The following SH2D4B variants were observed in gnomAD, a reference collection of about 807,000 sequenced individuals.
SH2D4B encodes the protein SH2 domain containing 4B, also known as SH2 domain-containing protein 4B.
Under a neutral mutation model 61.5 loss-of-function variants are expected in SH2D4B, and 45 were observed. That is an observed-to-expected ratio of 0.73 (90% CI 0.58 to 0.94). The LOEUF (loss-of-function observed/expected upper bound fraction) is 0.94, where lower values mean the gene tolerates loss of function less well. SH2D4B is among the 40% of genes least tolerant of loss of function. SH2D4B has a pLI of 0.00. For missense variants in SH2D4B, 572 were observed against 574.2 expected (o/e 1.00, Z 0.04); for synonymous variants, 224 against 220.4 (o/e 1.02, Z -0.14).
At position 80,555,829 on chromosome 10, in the gene SH2D4B, TGTGGGTTTAAGAACAG is replaced by T. The variant is rs1305381504; in HGVS notation, c.185-14307_185-14292del. 9.9e-5 allele frequency among the ~76,000 whole-genome samples: 15 copies of T among 152,136 alleles called. No individual in the cohort carries two copies. The East Asian group carries it at 2.1e-3, about 22-fold the overall frequency. On this transcript the variant is annotated intron_variant, in intron 1 of 7. Coordinates refer to ENST00000646907, the MANE Select transcript of SH2D4B (RefSeq NM_001388272.1). Reference sequence around the variant, plus strand: ...CCCACGTGAAAGCTTCAGAAGAAAATGTGGGTTTAAGAACAGGTGGGTTTAAGAACAGGCGTGTTCG... The same window carrying T: ...CCCACGTGAAAGCTTCAGAAGAAAATGTGGGTTTAAGAACAGGCGTGTTCG...
At chr10:80,600,501 G>T (rs1842438688) in intron 4 of SH2D4B, among the ~76,000 whole-genome samples, 1 of 147,688 alleles carries the variant, frequency 6.8e-6, no homozygotes, top group Admixed American at 6.8e-5. Flanking sequence ...GAGCGTGGTG[G>T]AGCTACAGTG....
chr10:80,624,670 C>A (rs899944000), intron 6 of SH2D4B, among the ~76,000 whole-genome samples: 1 of 152,156 alleles, frequency 6.6e-6, no homozygotes, highest in Non-Finnish European at 1.5e-5. Flanking sequence ...TAACCAAACT[C>A]GCTCTAAGTG....
At chr10:80,624,023 G>A (rs1404412752) in intron 6 of SH2D4B, among the ~76,000 whole-genome samples, 3 of 152,084 alleles carry the variant, frequency 2.0e-5, no homozygotes, top group Non-Finnish European at 4.4e-5. Context: ...GATGGCTCTC[G>A]GAAGGCTGAT....
intron 6 of SH2D4B, among the ~76,000 whole-genome samples, chr10:80,632,637 G>C (rs1262113677): frequency 6.6e-6 from 1 of 151,992 alleles, no homozygotes; most frequent in African/African-American, 2.4e-5. Flanking sequence ...TTATCTCCCT[G>C]CTGCAGCCTC....
chr10:80,560,890 A>G (rs1298692220), intron 1 of SH2D4B, among the ~76,000 whole-genome samples: 2 of 152,054 alleles, frequency 1.3e-5, no homozygotes, highest in Non-Finnish European at 2.9e-5. Context: ...CATTTGTACT[A>G]ATAATGCAAA....
At chr10:80,616,585 G>A (rs916771244) in intron 6 of SH2D4B, among the ~76,000 whole-genome samples, 19 of 119,040 alleles carry the variant, frequency 1.6e-4, no homozygotes, top group Admixed American at 8.9e-4. Context: ...TCCAAGCCTC[G>A]CATCCTGTAT....
chr10:80,632,718 C>A (rs918847207), intron 6 of SH2D4B, among the ~76,000 whole-genome samples: 1 of 152,050 alleles, frequency 6.6e-6, no homozygotes. Flanking sequence ...TTTGAGGGAT[C>A]CTGGACTTTC....
chr10:80,549,637 C>T lies in SH2D4B; in HGVS notation c.184+11122C>T, dbSNP rs151077473. On this transcript the variant is annotated intron_variant, in intron 1 of 7. Transcript: ENST00000646907. ...TCCACCCGGCGTGCACAGCACCTGC[C>T]GAGGGCTTCTGGTTCCTTTGCAGCC... 8.4e-3 allele frequency among the ~76,000 whole-genome samples: 1,274 copies of T among 152,340 alleles called. 5 individuals are homozygous for T. Among genetic ancestry groups the T allele is most frequent in the Non-Finnish European group, 0.015 (990 of 68,032 alleles).
In SH2D4B at chr10:80,555,341, CGCCTACTGTTCACATTTCTCTCCCT is replaced by C. The variant is rs568738844; in HGVS notation, c.185-14790_185-14766del. On this transcript the variant is annotated intron_variant, in intron 1 of 7. Transcript: ENST00000646907. Reference sequence around the variant, plus strand: ...CTGCAGCCAGAGTTGTTTCTCTCCCCGCCTACTGTTCACATTTCTCTCCCTGCCTACTGTTCACATTTCTCTCTGT... The same window carrying C: ...CTGCAGCCAGAGTTGTTTCTCTCCCCGCCTACTGTTCACATTTCTCTCTGT... Among the ~76,000 whole-genome samples, 754 of 152,298 alleles carry C rather than the reference CGCCTACTGTTCACATTTCTCTCCCT, an allele frequency of 5.0e-3. 16 individuals carry two copies. Among genetic ancestry groups the C allele is most frequent in the Non-Finnish European group, 1.2e-3 (85 of 68,036 alleles).
At chr10:80,599,604 T>G (rs982633505) in intron 4 of SH2D4B, among the ~76,000 whole-genome samples, 1 of 152,196 alleles carries the variant, frequency 6.6e-6, no homozygotes, top group African/African-American at 2.4e-5. Flanking sequence ...AGGGGGTCAC[T>G]GTTGGCAGCC....
At position 80,567,472 on chromosome 10, in the gene SH2D4B, A is replaced by G. The variant is rs12247610; in HGVS notation, c.185-2682A>G. On this transcript the variant is annotated intron_variant, in intron 1 of 7. Coordinates refer to ENST00000646907, the MANE Select transcript of SH2D4B (RefSeq NM_001388272.1). ...CCCAGCCAGTCACTGCATCCAGCTG[A>G]AAGTCCACTGTCTCTGGGGTTCTGC... Among the ~76,000 whole-genome samples the G allele has an allele frequency of 7.9e-3, 1,196 of 152,296 alleles. 18 individuals are homozygous for G. Among genetic ancestry groups the G allele is most frequent in the African/African-American group, 0.028 (1,145 of 41,562 alleles).
At chr10:80,597,520 G>A (rs1448118166) in intron 4 of SH2D4B, among the ~76,000 whole-genome samples, 2 of 152,130 alleles carry the variant, frequency 1.3e-5, no homozygotes, top group African/African-American at 4.8e-5. Context: ...ACAAAAATTA[G>A]CCAGGCATGG....
chr10:80,567,410 A>G (rs930154979), intron 1 of SH2D4B, among the ~76,000 whole-genome samples: 1 of 152,096 alleles, frequency 6.6e-6, no homozygotes, highest in Non-Finnish European at 1.5e-5. Context: ...TCCATCTAAA[A>G]TACACTCACC....
At chr10:80,548,930 G>T (rs948736415) in intron 1 of SH2D4B, among the ~76,000 whole-genome samples, 3 of 152,130 alleles carry the variant, frequency 2.0e-5, no homozygotes, top group African/African-American at 4.8e-5. Flanking sequence ...TACTTTTTAG[G>T]ATATATTGGA....
At chr10:80,606,507 C>T (rs956449858) in intron 5 of SH2D4B, among the ~76,000 whole-genome samples, 17 of 151,916 alleles carry the variant, frequency 1.1e-4, no homozygotes, top group Non-Finnish European at 2.1e-4. Flanking sequence ...CCAGTACACC[C>T]GGCTAATTTT....
At chr10:80,636,193 A>G (rs143789654) in intron 7 of SH2D4B, among the ~76,000 whole-genome samples, 204 of 152,252 alleles carry the variant, frequency 1.3e-3, no homozygotes, top group African/African-American at 4.2e-3. Flanking sequence ...AATCTAGTCT[A>G]TCATTGATGG....
chr10:80,558,865 A>G (rs1841869625), intron 1 of SH2D4B, among the ~76,000 whole-genome samples: 1 of 152,230 alleles, frequency 6.6e-6, no homozygotes, highest in Non-Finnish European at 1.5e-5. Flanking sequence ...AGATATGTGC[A>G]ACCATTTGTT....
At chr10:80,615,778 T>C (rs1842652674) in intron 6 of SH2D4B, among the ~76,000 whole-genome samples, 1 of 152,224 alleles carries the variant, frequency 6.6e-6, no homozygotes, top group Admixed American at 6.5e-5. Flanking sequence ...CTTGGGATCT[T>C]GGCAGTGTGG....
chr10:80,571,511 G>A lies in SH2D4B; in HGVS notation c.428G>A (p.Trp143Ter). The A allele has an allele frequency of 6.2e-7, 1 of 1,614,140 alleles. No individual in the cohort carries two copies. Among genetic ancestry groups the A allele is most frequent in the Non-Finnish European group, 8.5e-7 (1 of 1,180,028 alleles). ...NEKARILAEK[W>*]KVEMEDRKAA... is the part of the protein sequence containing the mutation. Reference sequence around the variant, plus strand: ...AAAGCCCGGATCTTGGCGGAGAAGTGGAAAGTGGAGATGGAAGACCGCAAG... The same window carrying A: ...AAAGCCCGGATCTTGGCGGAGAAGTAGAAAGTGGAGATGGAAGACCGCAAG... Residue 143 changes from tryptophan to a stop codon, truncating the protein, a stop_gained, in exon 3 of 8, where the codon TGG becomes TAG. Transcript: ENST00000646907. LOFTEE classifies it high-confidence loss of function.
Sources: gnomAD v4.1 joint callset for allele counts (sites outside exome capture counted in the v4.1 genomes callset) on GRCh38, gnomAD v4.1.1 for gene constraint, MANE v1.5 for transcripts, NCBI Gene and HGNC (gene_info 2026-07-23, HGNC 2026-07-21) for gene names.